TSPAN18: variants seen among roughly 807,000 people sequenced by gnomAD.
TSPAN18 encodes the protein tetraspanin 18.
TSPAN18 carries 14 observed loss-of-function variants against 27.3 expected under a neutral mutation model. The ratio of observed to expected loss-of-function variants is 0.51; its 90% CI spans 0.34 to 0.80. The LOEUF (loss-of-function observed/expected upper bound fraction) is 0.80, where lower values mean the gene tolerates loss of function less well. TSPAN18 is among the 30% of genes least tolerant of loss of function. TSPAN18 has a pLI of 0.01. For missense variants in TSPAN18, 268 were observed against 323.9 expected (o/e 0.83, Z 1.32); for synonymous variants, 143 against 136.5 (o/e 1.05, Z -0.33).
intron 2 of TSPAN18, among the ~76,000 whole-genome samples, chr11:44,766,345 G>A (rs528687099): frequency 5.3e-5 from 8 of 152,276 alleles, no homozygotes; most frequent in East Asian, 3.9e-4. Flanking sequence ...TGTGTCCCAC[G>A]GCTCACCCTG....
At chr11:44,810,782 A>AT (rs143748278) in intron 2 of TSPAN18, among the ~76,000 whole-genome samples, 3,337 of 150,566 alleles carry the variant, frequency 0.022, 130 homozygotes, top group African/African-American at 0.074. Flanking sequence ...ATTTTTTGTT[A>AT]TTTTTTTGCA....
intron 1 of TSPAN18, among the ~76,000 whole-genome samples, chr11:44,728,389 A>G (rs984960699): frequency 6.6e-5 from 10 of 152,352 alleles, no homozygotes; most frequent in Non-Finnish European, 1.5e-4. Flanking sequence ...GCAGAAACCC[A>G]AACCCCAAAA....
intron 1 of TSPAN18, among the ~76,000 whole-genome samples, chr11:44,747,340 A>G (rs1855103944): frequency 6.6e-6 from 1 of 152,122 alleles, no homozygotes; most frequent in South Asian, 2.1e-4. Flanking sequence ...TTTTTATTTA[A>G]TCCCAGATAT....
At chr11:44,829,624 G>GA (rs1857113751) in intron 2 of TSPAN18, among the ~76,000 whole-genome samples, 1 of 152,072 alleles carries the variant, frequency 6.6e-6, no homozygotes, top group Non-Finnish European at 1.5e-5. Context: ...TGGCAATCAT[G>GA]AAAAAAACTG....
intron 1 of TSPAN18, among the ~76,000 whole-genome samples, chr11:44,730,815 C>T (rs1440161717): frequency 4.0e-5 from 5 of 124,074 alleles, no homozygotes; most frequent in Admixed American, 8.1e-5. Flanking sequence ...TTAGTAGAGA[C>T]GGGTTTCACC....
In TSPAN18 at chr11:44,884,866, A is replaced by G. The variant is rs148268793; in HGVS notation, c.-10-21541A>G. 5.1e-3 allele frequency among the ~76,000 whole-genome samples: 774 copies of G among 152,272 alleles called. 4 individuals carry two copies. The highest frequency in any genetic ancestry group is 0.018 in the African/African-American group (745 of 41,544). On this transcript the variant is annotated intron_variant, in intron 3 of 9. Coordinates refer to ENST00000520358, the MANE Select transcript of TSPAN18 (RefSeq NM_130783.5). Reference sequence around the variant, plus strand: ...CTCTCTCCATTCTCTGTCCCCACACAACAGAGGGAAAAACATTCACTGAGA... The same window carrying G: ...CTCTCTCCATTCTCTGTCCCCACACGACAGAGGGAAAAACATTCACTGAGA...
intron 3 of TSPAN18, among the ~76,000 whole-genome samples, chr11:44,900,451 C>T (rs1351877220): frequency 6.6e-6 from 1 of 152,160 alleles, no homozygotes; most frequent in African/African-American, 2.4e-5. Flanking sequence ...GGCTCAGGCA[C>T]TTCTGTACTG....
intron 1 of TSPAN18, among the ~76,000 whole-genome samples, chr11:44,760,995 C>T (rs1590429712): frequency 6.6e-6 from 1 of 152,288 alleles, no homozygotes; most frequent in Non-Finnish European, 1.5e-5. Context: ...TCCTGCTACA[C>T]ATTTCTTATC....
At chr11:44,785,858 G>A (rs1856044964) in intron 2 of TSPAN18, among the ~76,000 whole-genome samples, 1 of 152,196 alleles carries the variant, frequency 6.6e-6, no homozygotes, top group Non-Finnish European at 1.5e-5. Flanking sequence ...GGCAAGAGTG[G>A]GAGGTGCCCA....
At chr11:44,867,780 A>C (rs1022375768) in intron 3 of TSPAN18, among the ~76,000 whole-genome samples, 1 of 152,206 alleles carries the variant, frequency 6.6e-6, no homozygotes, top group African/African-American at 2.4e-5. Context: ...GGATCAGCAC[A>C]TGCAAAGTCC....
chr11:44,788,339 A>C (rs1856108701), intron 2 of TSPAN18, among the ~76,000 whole-genome samples: 1 of 152,186 alleles, frequency 6.6e-6, no homozygotes, highest in African/African-American at 2.4e-5. Context: ...CAAACTGACT[A>C]GTGCAACCGA....
At chr11:44,779,923 A>G (rs1318396613) in intron 2 of TSPAN18, among the ~76,000 whole-genome samples, 1 of 151,946 alleles carries the variant, frequency 6.6e-6, no homozygotes, top group Non-Finnish European at 1.5e-5. Flanking sequence ...GTGCACAACT[A>G]CACACATACC....
At chr11:44,871,303 A>G (rs1439991132) in intron 3 of TSPAN18, among the ~76,000 whole-genome samples, 5 of 152,096 alleles carry the variant, frequency 3.3e-5, no homozygotes, top group Admixed American at 1.3e-4. Flanking sequence ...TTCGCCTTGT[A>G]TCTTCATGTG....
chr11:44,918,193 C>T (rs540848681), intron 6 of TSPAN18, 147 bp downstream of exon 6: 51 of 823,208 alleles, frequency 6.2e-5, no homozygotes, highest in African/African-American at 5.8e-4. Flanking sequence ...TGGCCCCACC[C>T]GCCTGGCAAG....
In TSPAN18 at chr11:44,930,854, C is replaced by T. The variant is rs1276587328; in HGVS notation, c.*1676C>T. ...CTGCTCTCTTCTCTCCCCTCTGTCC[C>T]TCTTCAGGAAGAAAGAGCTCATTCT... On this transcript the variant is annotated 3_prime_UTR_variant, in exon 10 of 10. Coordinates refer to ENST00000520358, the MANE Select transcript of TSPAN18 (RefSeq NM_130783.5). The T allele has an allele frequency of 5.8e-6, 3 of 513,236 alleles. No individual in the cohort carries two copies. The highest frequency in any genetic ancestry group is 1.2e-5 in the Non-Finnish European group (3 of 249,728). The allele number at this position is 513,236 out of a possible 1,614,324, so 31.8% of individuals were successfully genotyped here. A position where few individuals can be genotyped will look rare whatever the true frequency, so the allele number is the denominator to read the frequency against.
At chr11:44,774,278 G>T (rs771732126) in intron 2 of TSPAN18, among the ~76,000 whole-genome samples, 4 of 152,314 alleles carry the variant, frequency 2.6e-5, no homozygotes, top group Non-Finnish European at 2.9e-5. Flanking sequence ...AGAAGGAGGG[G>T]GCAGAGCCCA....
intron 7 of TSPAN18, 37 bp from the exon 8 acceptor site, chr11:44,919,780 C>T: frequency 6.2e-7 from 1 of 1,609,094 alleles, no homozygotes; most frequent in South Asian, 1.1e-5. Flanking sequence ...GTGTCCTCCT[C>T]CTGCCCACCA....
chr11:44,915,535 G>A (rs909539619), intron 5 of TSPAN18, among the ~76,000 whole-genome samples: 6 of 152,174 alleles, frequency 3.9e-5, no homozygotes, highest in South Asian at 4.1e-4. Flanking sequence ...CCTTCTTCAG[G>A]AAGCACAGGA....
rs555092524 is a variant in TSPAN18, at chr11:44,753,540, C to T, written c.-239-10886C>T. ...CTGGGGGTCCCAGGGTAGCTGGACT[C>T]GCCGCTGCCACCCTCACATTTTATT... On this transcript the variant is annotated intron_variant, in intron 1 of 9. Transcript: ENST00000520358. Among the ~76,000 whole-genome samples, 111 of 152,320 alleles carry T rather than the reference C, an allele frequency of 7.3e-4. 1 individual carries two copies. The highest frequency in any genetic ancestry group is 1.1e-3 in the Non-Finnish European group (72 of 68,026).
Sources: gnomAD v4.1 joint callset for allele counts (sites outside exome capture counted in the v4.1 genomes callset) on GRCh38, gnomAD v4.1.1 for gene constraint, MANE v1.5 for transcripts, NCBI Gene and HGNC (gene_info 2026-07-23, HGNC 2026-07-21) for gene names.